The following MYO1E variants were observed in gnomAD, a reference collection of about 807,000 sequenced individuals.
The protein encoded by MYO1E is myosin IE.
Under a neutral mutation model 151.1 loss-of-function variants are expected in MYO1E, and 68 were observed. The observed-to-expected ratio is 0.45, with a 90% confidence interval of 0.37 to 0.55. The LOEUF (loss-of-function observed/expected upper bound fraction) is 0.55. Ranked by LOEUF, MYO1E falls within the 20% of genes least tolerant of loss-of-function variation. MYO1E has a pLI of 0.00. For synonymous variants in MYO1E, 601 were observed against 501.7 expected (o/e 1.20, Z -2.64); for missense variants, 1,363 against 1,389.3 (o/e 0.98, Z 0.30).
chr15:59,230,224 T>TGTGTGTG (rs1555412948), intron 6 of MYO1E, among the ~76,000 whole-genome samples: 1,465 of 126,988 alleles, frequency 0.012, 20 homozygotes, highest in East Asian at 0.034. Flanking sequence ...CAGTGTGTGT[T>TGTGTGTG]TGTGTGTGTG....
chr15:59,218,845 G>C (rs2079936110), intron 9 of MYO1E, among the ~76,000 whole-genome samples: 1 of 152,206 alleles, frequency 6.6e-6, no homozygotes, highest in Non-Finnish European at 1.5e-5. Flanking sequence ...AGTGTACCAA[G>C]GGGAGGAAGC....
chr15:59,254,110 T>A (rs921118476), intron 4 of MYO1E, among the ~76,000 whole-genome samples: 2 of 152,134 alleles, frequency 1.3e-5, no homozygotes, highest in Non-Finnish European at 2.9e-5. Context: ...GAATTCTTCC[T>A]GTTTAAGGTG....
intron 14 of MYO1E, chr15:59,207,927 C>T (rs2079850641): frequency 6.2e-7 from 1 of 1,613,966 alleles, no homozygotes. Context: ...TTAAGGGCCT[C>T]TATGGAATAG....
chr15:59,303,276 G>A (rs1427714875), intron 1 of MYO1E, among the ~76,000 whole-genome samples: 1 of 152,174 alleles, frequency 6.6e-6, no homozygotes, highest in African/African-American at 2.4e-5. Context: ...GCCGGGTGTG[G>A]TGGTGGCATG....
In MYO1E at chr15:59,333,377, G is replaced by A. The variant is rs2080709399; in HGVS notation, c.3+39121C>T. Among the ~76,000 whole-genome samples the A allele has an allele frequency of 2.0e-5, 3 of 152,182 alleles. No homozygotes were observed. The South Asian group carries it at 6.3e-4, about 32-fold the overall frequency. On this transcript the variant is annotated intron_variant, in intron 1 of 27. Coordinates refer to ENST00000288235, the MANE Select transcript of MYO1E (RefSeq NM_004998.4). ...CCACAGCAACCCCCGGAGTAGCTGG[G>A]ATTACAGGCACTCCACCACCGCGCC...
intron 1 of MYO1E, among the ~76,000 whole-genome samples, chr15:59,282,989 A>C (rs1278895000): frequency 6.7e-5 from 6 of 90,002 alleles, no homozygotes; most frequent in South Asian, 4.9e-4. Context: ...GAAAGGGGAA[A>C]GGGGAAAGGG....
rs140247851 is a variant in MYO1E, at chr15:59,190,149, G to C, written c.1806-1933C>G. On this transcript the variant is annotated intron_variant, in intron 17 of 27. Transcript: ENST00000288235. ...CTCTGGGAAGATAAATTGGGCCTGG[G>C]CTGCGTGCTGCGCGAGCTGGCTGAA... 1.6e-4 allele frequency among the ~76,000 whole-genome samples: 24 copies of C among 152,302 alleles called. No individual in the cohort carries two copies. In the East Asian group the frequency reaches 3.9e-3, roughly 24 times the overall value.
At chr15:59,219,101 A>T (rs911303990) in intron 9 of MYO1E, among the ~76,000 whole-genome samples, 4 of 152,226 alleles carry the variant, frequency 2.6e-5, no homozygotes, top group African/African-American at 9.6e-5. Context: ...TATTGTTCAT[A>T]TCCTGCCCTA....
rs368001329 is a variant in MYO1E, at chr15:59,285,350, CTTTTTTTTTT to C, written c.4-12911_4-12902del. 5.4e-5 allele frequency among the ~76,000 whole-genome samples: 4 copies of C among 74,058 alleles called. No individual in the cohort carries two copies. In the Admixed American group the frequency reaches 8.0e-4, roughly 15 times the overall value. The allele number at this position is 74,058 out of a possible 152,430, so 48.6% of individuals were successfully genotyped here. On this transcript the variant is annotated intron_variant, in intron 1 of 27. Transcript: ENST00000288235. ...CTGGGCAACACGCAAGACACTGTCT[CTTTTTTTTTT>C]TTTTTTTTTTTTTTTGAGACGGAGT... is the stretch of plus-strand genomic sequence containing the variant.
chr15:59,372,297 T>C (rs2080951210), intron 1 of MYO1E, among the ~76,000 whole-genome samples: 1 of 151,952 alleles, frequency 6.6e-6, no homozygotes, highest in Admixed American at 6.5e-5. Flanking sequence ...TGGAATAAAG[T>C]TTTCCTTGGC....
At chr15:59,268,138 G>A (rs1387567553) in intron 2 of MYO1E, among the ~76,000 whole-genome samples, 2 of 152,170 alleles carry the variant, frequency 1.3e-5, no homozygotes, top group African/African-American at 4.8e-5. Context: ...CTTACTTACA[G>A]TAATGCCATT....
intron 22 of MYO1E, among the ~76,000 whole-genome samples, chr15:59,166,326 T>C (rs1426743844): frequency 4.6e-5 from 7 of 152,264 alleles, no homozygotes; most frequent in Non-Finnish European, 1.0e-4. Flanking sequence ...CCCTGACTTA[T>C]TCCTATGCTG....
intron 26 of MYO1E, 37 bp from the exon 27 acceptor site, chr15:59,138,404 A>T (rs369565160): frequency 1.9e-6 from 3 of 1,610,842 alleles, no homozygotes; most frequent in Non-Finnish European, 2.5e-6. Context: ...CTGGGCCCCA[A>T]CAGGGGGCAG....
chr15:59,285,865 C>T (rs553299471), intron 1 of MYO1E, among the ~76,000 whole-genome samples: 4 of 152,112 alleles, frequency 2.6e-5, no homozygotes, highest in African/African-American at 4.8e-5. Context: ...TTAATGGCAC[C>T]GGCCTAATAG....
intron 25 of MYO1E, 125 bp downstream of exon 25, chr15:59,158,162 C>G (rs1017525697): frequency 1.1e-6 from 1 of 870,672 alleles, no homozygotes; most frequent in Non-Finnish European, 1.9e-6. Context: ...ACATGTGGCA[C>G]TGAAATGGTC....
intron 26 of MYO1E, among the ~76,000 whole-genome samples, chr15:59,151,061 G>A (rs1397148946): frequency 3.4e-5 from 5 of 148,738 alleles, no homozygotes; most frequent in South Asian, 2.1e-4. Flanking sequence ...GCGCGCGCGC[G>A]CACGTGCACT....
At chr15:59,357,383 CT>C (rs1355101060) in intron 1 of MYO1E, among the ~76,000 whole-genome samples, 1 of 150,586 alleles carries the variant, frequency 6.6e-6, no homozygotes, top group Non-Finnish European at 1.5e-5. Flanking sequence ...ATTATAAGAT[CT>C]TTATAGATAA....
rs546972721 is a variant in MYO1E, at chr15:59,197,273, G to A, written c.1699-1706C>T. 5.3e-5 allele frequency among the ~76,000 whole-genome samples: 8 copies of A among 152,270 alleles called. No homozygotes were observed. In the East Asian group the frequency reaches 1.2e-3, roughly 22 times the overall value. On this transcript the variant is annotated intron_variant, in intron 16 of 27. Coordinates refer to ENST00000288235, the MANE Select transcript of MYO1E (RefSeq NM_004998.4). ...CTCTCAAAGTGCTGGGATTACAGGC[G>A]TGAGCCACTGTGCCCAGCCTACAAC...
intron 7 of MYO1E, 60 bp from the exon 8 acceptor site, chr15:59,224,883 C>A: frequency 1.2e-6 from 2 of 1,608,836 alleles, no homozygotes; most frequent in Middle Eastern, 3.6e-4. Flanking sequence ...CGAAGTCACT[C>A]CTGCATCCTG....
Sources: gnomAD v4.1 joint callset for allele counts (sites outside exome capture counted in the v4.1 genomes callset) on GRCh38, gnomAD v4.1.1 for gene constraint, MANE v1.5 for transcripts, NCBI Gene and HGNC (gene_info 2026-07-23, HGNC 2026-07-21) for gene names.